CSPG5: variants seen among roughly 807,000 people sequenced by gnomAD.
The protein encoded by CSPG5 is acidic leucine-rich EGF-like domain-containing brain protein.
In CSPG5, 25 loss-of-function variants were observed where a neutral mutation model predicts 39.8. The ratio of observed to expected loss-of-function variants is 0.63; its 90% CI spans 0.46 to 0.88. The LOEUF is 0.88. Among genes scored for constraint, CSPG5 ranks in the 40% least tolerant of loss-of-function variants. The pLI, the probability that CSPG5 is intolerant of heterozygous loss-of-function variation, is 0.00. For missense variants in CSPG5, 627 were observed against 702.2 expected (o/e 0.89, Z 1.21); for synonymous variants, 295 against 303.9 (o/e 0.97, Z 0.31).
chr3:47,569,211 A>G lies in CSPG5; in HGVS notation c.1399T>C (p.Ser467Pro), dbSNP rs1424851986. The G allele has an allele frequency of 6.2e-7, 1 of 1,613,760 alleles. No individual in the cohort carries two copies. The highest frequency in any genetic ancestry group is 2.2e-5 in the East Asian group (1 of 44,804). Reference protein sequence around the residue: ...LRRTNKFRTPSELHNDNFSLS... With the variant: ...LRRTNKFRTPPELHNDNFSLS... ...GAGAAGTTATCATTGTGGAGCTCAGATGGGGTCCGGAATTTGCTGGTTAGG... is the reference window on the plus strand; with the variant it reads ...GAGAAGTTATCATTGTGGAGCTCAGGTGGGGTCCGGAATTTGCTGGTTAGG... Residue 467 changes from serine (S) to proline (P), a missense_variant, in exon 4 of 5, where the codon TCT becomes CCT. By Grantham distance (74) the Ser-to-Pro change is moderately conservative (BLOSUM62 -1). Transcript: ENST00000264723.
At position 47,577,165 on chromosome 3, in the gene CSPG5, A is replaced by G. The variant is rs781450382; in HGVS notation, c.861T>C (p.Asp287=). The G allele has an allele frequency of 3.1e-6, 5 of 1,611,972 alleles. No individual in the cohort carries two copies. The Admixed American group carries it at 8.4e-5, about 27-fold the overall frequency. ...EEEEEEEDDK[D]AVGGGDLEDE... ...CTTCTAGGTCTCCACCTCCTACTGCATCTTTGTCATCCTCCTCTTCCTCCT... is the reference window on the plus strand; with the variant it reads ...CTTCTAGGTCTCCACCTCCTACTGCGTCTTTGTCATCCTCCTCTTCCTCCT... Residue 287 remains aspartate (D), a synonymous_variant, in exon 2 of 5, where the codon GAT becomes GAC. Transcript: ENST00000264723. This position sits in a 1 kb window ranked among gnomAD's most constrained non-coding sequence, Gnocchi z 4.7.
At position 47,572,625 on chromosome 3, in the gene CSPG5, G is replaced by A; in HGVS notation, c.1382+61C>T. 2.8e-6 allele frequency: 4 copies of A among 1,429,030 alleles called. No homozygotes were observed. The South Asian group carries it at 4.8e-5, about 17-fold the overall frequency. 88.5% of individuals were successfully genotyped at this position (1,429,030 alleles called of 1,614,324 possible). A position where few individuals can be genotyped will look rare whatever the true frequency, so the allele number is the denominator to read the frequency against. ...TCCCTGGATCAGTTGGAGGGGTGCA[G>A]CAGCGTCGGGGGGCCTCCCACACCC... On this transcript the variant is annotated intron_variant, in intron 3 of 4. Coordinates refer to ENST00000264723, the MANE Select transcript of CSPG5 (RefSeq NM_006574.4). This position sits in a 1 kb window ranked among gnomAD's most constrained non-coding sequence, Gnocchi z 4.5.
chr3:47,578,580 G>A lies in CSPG5; in HGVS notation c.97+17C>T. 1 of 1,044,366 alleles carries A rather than the reference G, an allele frequency of 9.6e-7. No homozygotes were observed. The highest frequency in any genetic ancestry group is 1.2e-6 in the Non-Finnish European group (1 of 836,514). 64.7% of individuals were successfully genotyped at this position (1,044,366 alleles called of 1,614,324 possible). On this transcript the variant is annotated intron_variant, in intron 1 of 4. Coordinates refer to ENST00000264723, the MANE Select transcript of CSPG5 (RefSeq NM_006574.4). The surrounding 1 kb of genome is among the most constrained non-coding windows in gnomAD (Gnocchi z 6.0). ...GGGCACGAGGGCCGCGGGGGTCCCG[G>A]GCGCAGTCATACCTACCCGGCACGG...
intron 4 of CSPG5, among the ~76,000 whole-genome samples, chr3:47,564,084 C>A (rs1303679065): frequency 1.3e-5 from 2 of 152,128 alleles, no homozygotes; most frequent in East Asian, 3.8e-4. Context: ...CAGTGTGTAA[C>A]CACTAAGGCA....
chr3:47,566,070 C>T (rs2031287492), intron 4 of CSPG5, among the ~76,000 whole-genome samples: 1 of 152,246 alleles, frequency 6.6e-6, no homozygotes, highest in South Asian at 2.1e-4. Flanking sequence ...GCCACTGACC[C>T]TTCCCTGTCA....
chr3:47,576,868 C>A lies in CSPG5; in HGVS notation c.1158G>T (p.Gln386His). The A allele has an allele frequency of 6.3e-7, 1 of 1,583,740 alleles. No homozygotes were observed. Among genetic ancestry groups the A allele is most frequent in the Non-Finnish European group, 8.6e-7 (1 of 1,162,756 alleles). ...CCCCTATGTTCTCCACCAGGTAGCA[C>A]TGGCCGCCATTGTGACAGTAACTTG... is the stretch of plus-strand genomic sequence containing the variant. ...LFPSYCHNGGQCYLVENIGAF... is the reference protein window; with the variant it reads ...LFPSYCHNGGHCYLVENIGAF... The change falls in exon 2 of 5, where the codon CAG becomes CAT. Residue 386 changes from glutamine (Q) to histidine (H), a missense_variant. Coordinates refer to ENST00000264723, the MANE Select transcript of CSPG5 (RefSeq NM_006574.4).
intron 2 of CSPG5, among the ~76,000 whole-genome samples, chr3:47,574,673 C>T (rs566823037): frequency 1.1e-4 from 17 of 152,334 alleles, no homozygotes; most frequent in African/African-American, 4.1e-4. Flanking sequence ...GGCGCGGTGG[C>T]TCACGCCTGT....
In CSPG5 at chr3:47,578,624, G is replaced by T; in HGVS notation, c.70C>A (p.Leu24Met). The T allele has an allele frequency of 8.6e-7, 1 of 1,167,080 alleles. No individual in the cohort carries two copies. Among genetic ancestry groups the T allele is most frequent in the Non-Finnish European group, 1.1e-6 (1 of 943,922 alleles). 72.3% of individuals were successfully genotyped at this position (1,167,080 alleles called of 1,614,324 possible). The change falls in exon 1 of 5, where the codon CTG (leucine) becomes ATG (methionine). Residue 24 changes from leucine to methionine, a missense_variant. Coordinates refer to ENST00000264723, the MANE Select transcript of CSPG5 (RefSeq NM_006574.4). The surrounding 1 kb of genome is among the most constrained non-coding windows in gnomAD (Gnocchi z 6.0). ...GGCACGGCCCCAGAGGCCAGGACCAGCGCGGCCCCCAGAAACAGCAGCAGT... is the reference window on the plus strand; with the variant it reads ...GGCACGGCCCCAGAGGCCAGGACCATCGCGGCCCCCAGAAACAGCAGCAGT... Reference protein sequence around the residue: ...PPLLLFLGAALVLASGAVPAR... With the variant: ...PPLLLFLGAAMVLASGAVPAR...
chr3:47,572,654 C>G lies in CSPG5; in HGVS notation c.1382+32G>C. 6.3e-7 allele frequency: 1 copy of G among 1,599,326 alleles called. No homozygotes were observed. Among genetic ancestry groups the G allele is most frequent in the Non-Finnish European group, 8.6e-7 (1 of 1,168,086 alleles). On this transcript the variant is annotated intron_variant, in intron 3 of 4. Transcript: ENST00000264723. This position sits in a 1 kb window ranked among gnomAD's most constrained non-coding sequence, Gnocchi z 4.5. ...CGTCGGGGGGCCTCCCACACCCTGACCTGGGTGGATGGGTGAGTGACACAG... is the reference window on the plus strand; with the variant it reads ...CGTCGGGGGGCCTCCCACACCCTGAGCTGGGTGGATGGGTGAGTGACACAG...
At position 47,578,643 on chromosome 3, in the gene CSPG5, C is replaced by T; in HGVS notation, c.51G>A (p.Leu17=). ...GGACCAGCGCGGCCCCCAGAAACAG[C>T]AGCAGTGGCGGCGGCCCCCGGCCCG... The part of the protein sequence containing the change: ...GGPGRGPPPL[L]LFLGAALVLA... The change falls in exon 1 of 5, where the codon CTG becomes CTA. Residue 17 remains leucine, a synonymous_variant. Coordinates refer to ENST00000264723, the MANE Select transcript of CSPG5 (RefSeq NM_006574.4). The surrounding 1 kb of genome is among the most constrained non-coding windows in gnomAD (Gnocchi z 6.0). The T allele has an allele frequency of 1.7e-6, 2 of 1,157,452 alleles. No individual in the cohort carries two copies. The highest frequency in any genetic ancestry group is 1.6e-5 in the African/African-American group (1 of 61,208). The allele number at this position is 1,157,452 out of a possible 1,614,324, so 71.7% of individuals were successfully genotyped here. A position where few individuals can be genotyped will look rare whatever the true frequency, so the allele number is the denominator to read the frequency against.
At position 47,577,124 on chromosome 3, in the gene CSPG5, A is replaced by G. The variant is rs1576374411; in HGVS notation, c.902T>C (p.Leu301Pro). The change falls in exon 2 of 5, where the codon CTA (leucine) becomes CCA (proline). Residue 301 changes from leucine to proline, a missense_variant. Physicochemically the swap from Leu to Pro is moderately conservative, Grantham distance 98 (BLOSUM62 -3). Transcript: ENST00000264723. The surrounding 1 kb of genome is among the most constrained non-coding windows in gnomAD (Gnocchi z 4.7). Reference protein sequence around the residue: ...GGDLEDENELLVPTGKPGLGP... With the variant: ...GGDLEDENELPVPTGKPGLGP... The stretch of plus-strand genomic sequence containing the variant: ...CAGACCAGGCTTCCCAGTGGGCACT[A>G]GAAGCTCATTTTCATCTTCTAGGTC... 1 of 1,613,956 alleles carries G rather than the reference A, an allele frequency of 6.2e-7. No individual in the cohort carries two copies. Among genetic ancestry groups the G allele is most frequent in the Admixed American group, 1.7e-5 (1 of 60,030 alleles).
intron 2 of CSPG5, among the ~76,000 whole-genome samples, chr3:47,576,410 T>C (rs1193711154): frequency 6.6e-6 from 1 of 152,032 alleles, no homozygotes; most frequent in Admixed American, 6.6e-5. Context: ...ATCCTGCGAC[T>C]GTACAACCTC....
At chr3:47,566,338 C>T (rs377230875) in intron 4 of CSPG5, among the ~76,000 whole-genome samples, 13 of 152,152 alleles carry the variant, frequency 8.5e-5, no homozygotes, top group Non-Finnish European at 1.5e-4. Flanking sequence ...TCTCTCCTCC[C>T]GTATCATCTG....
intron 3 of CSPG5, among the ~76,000 whole-genome samples, chr3:47,571,478 C>T (rs1446823718): frequency 1.3e-5 from 2 of 152,248 alleles, no homozygotes; most frequent in Admixed American, 6.5e-5. Flanking sequence ...CACCCACCCC[C>T]TTGGTGTAGG....
Position 47,562,557 on chromosome 3 carries a change from A to G in CSPG5, c.*43T>C. 9.0e-5 allele frequency: 97 copies of G among 1,072,892 alleles called. No homozygotes were observed. The highest frequency in any genetic ancestry group is 1.3e-4 in the Non-Finnish European group (89 of 707,202). 66.5% of individuals were successfully genotyped at this position (1,072,892 alleles called of 1,614,324 possible). A position where few individuals can be genotyped will look rare whatever the true frequency, so the allele number is the denominator to read the frequency against. ...AAGAGGAGATAATGTTTCTTCCCCT[A>G]CCCCCCACCCACTACCCCCGCTTCC... On this transcript the variant is annotated 3_prime_UTR_variant, in exon 5 of 5. Coordinates refer to ENST00000264723, the MANE Select transcript of CSPG5 (RefSeq NM_006574.4).
At chr3:47,564,800 C>T (rs1274381281) in intron 4 of CSPG5, among the ~76,000 whole-genome samples, 1 of 152,034 alleles carries the variant, frequency 6.6e-6, no homozygotes, top group Admixed American at 6.6e-5. Context: ...TATATATACA[C>T]ACGTGTGTAC....
chr3:47,577,917 C>G lies in CSPG5; in HGVS notation c.109G>C (p.Gly37Arg). ...ASGAVPAREAGSAVEAEELVK... is the reference protein window; with the variant it reads ...ASGAVPAREARSAVEAEELVK... ...AGCTCTTCGGCCTCAACCGCGCTGC[C>G]CGCCTCACGCGCTGCGGGCGGGAGG... The change falls in exon 2 of 5, where the codon GGC (glycine) becomes CGC (arginine). Residue 37 changes from glycine (G) to arginine (R), a missense_variant. Gly to Arg is a moderately radical substitution (Grantham distance 125). Coordinates refer to ENST00000264723, the MANE Select transcript of CSPG5 (RefSeq NM_006574.4). The surrounding 1 kb of genome is among the most constrained non-coding windows in gnomAD (Gnocchi z 4.7). 6.9e-7 allele frequency: 1 copy of G among 1,442,972 alleles called. No homozygotes were observed. The highest frequency in any genetic ancestry group is 9.0e-7 in the Non-Finnish European group (1 of 1,111,656). The allele number at this position is 1,442,972 out of a possible 1,614,324, so 89.4% of individuals were successfully genotyped here. A position where few individuals can be genotyped will look rare whatever the true frequency, so the allele number is the denominator to read the frequency against.
At chr3:47,570,342 G>A (rs2108197702) in intron 3 of CSPG5, among the ~76,000 whole-genome samples, 1 of 151,474 alleles carries the variant, frequency 6.6e-6, no homozygotes, top group Admixed American at 6.6e-5. Context: ...GGGCTCAGGT[G>A]GTATTCCTGC....
intron 3 of CSPG5, among the ~76,000 whole-genome samples, chr3:47,571,402 C>G (rs2031523141): frequency 6.6e-6 from 1 of 152,200 alleles, no homozygotes; most frequent in Admixed American, 6.5e-5. Flanking sequence ...CTTTCTCTCC[C>G]CCATCCTCAT....
Sources: allele counts gnomAD v4.1 joint callset (sites outside exome capture counted in the v4.1 genomes callset), GRCh38; gene constraint gnomAD v4.1.1; non-coding constraint Gnocchi (gnomAD v3.1); transcripts MANE v1.5; gene names NCBI Gene and HGNC (gene_info 2026-07-23, HGNC 2026-07-21).